The following LRRC4C variants were observed in gnomAD, a reference collection of about 807,000 sequenced individuals.
LRRC4C encodes the protein leucine-rich repeat-containing protein 4C.
A neutral mutation model predicts 33.6 loss-of-function variants in LRRC4C; 5 were observed. The ratio of observed to expected loss-of-function variants is 0.15; its 90% confidence interval spans 0.08 to 0.31. LRRC4C has a LOEUF of 0.31. Ranked by LOEUF, LRRC4C falls within the 10% of genes least tolerant of loss-of-function variation. The probability of loss-of-function intolerance (pLI) is 1.00; values close to 1 mark genes in which losing one functional copy is unlikely to be tolerated. For missense variants in LRRC4C, 560 were observed against 796.7 expected, an observed-to-expected ratio of 0.70 and a Z score of 3.58; for synonymous variants, 329 against 302.0, an observed-to-expected ratio of 1.09 and a Z score of -0.93.
At chr11:41,456,635 C>G in intron 1 of LRRC4C, among the ~76,000 whole-genome samples, 1 of 152,134 alleles carries the variant, frequency 6.6e-6, no homozygotes, top group East Asian at 1.9e-4. Context: ...AAAAATATAA[C>G]TCTGCATATG....
At chr11:41,151,225 A>G (rs867638882) in intron 1 of LRRC4C, among the ~76,000 whole-genome samples, 84 of 152,358 alleles carry the variant, frequency 5.5e-4, no homozygotes, top group Middle Eastern at 6.8e-3. Flanking sequence ...CAGTTGAGCT[A>G]GTTTCTCCTC....
At position 40,453,436 on chromosome 11, in the gene LRRC4C, C is replaced by T. The variant is rs1054278170; in HGVS notation, c.-269-133715G>A. ...ACTTCCCGTGAAGAAAAGCTCCAGG[C>T]AATACAGCTGGTGAATTCTATCAGA... On this transcript the variant is annotated intron_variant, in intron 3 of 6. Coordinates refer to ENST00000528697, the MANE Select transcript of LRRC4C (RefSeq NM_001258419.2). Among the ~76,000 whole-genome samples the T allele has an allele frequency of 4.6e-5, 7 of 152,084 alleles. No homozygotes were observed. The East Asian group carries it at 1.4e-3, about 29-fold the overall frequency.
At chr11:41,050,866 T>C (rs1215609255) in intron 1 of LRRC4C, among the ~76,000 whole-genome samples, 1 of 152,260 alleles carries the variant, frequency 6.6e-6, no homozygotes, top group Non-Finnish European at 1.5e-5. Flanking sequence ...GTTCTTATAA[T>C]GGATTCTAGA....
chr11:40,616,457 A>G (rs529978801), intron 3 of LRRC4C, among the ~76,000 whole-genome samples: 81 of 151,872 alleles, frequency 5.3e-4, no homozygotes, highest in African/African-American at 1.9e-3. Flanking sequence ...AGACACATGC[A>G]TGCATATGTT....
chr11:41,405,024 A>G lies in LRRC4C; in HGVS notation c.-496+54407T>C, dbSNP rs200156687. The stretch of plus-strand genomic sequence containing the variant: ...TCTTCAGTGTCTTAATATCTCTATC[A>G]ATAATGTGGGTCCAGCACTATTTGC... On this transcript the variant is annotated intron_variant, in intron 1 of 6. Coordinates refer to ENST00000528697, the MANE Select transcript of LRRC4C (RefSeq NM_001258419.2). Among the ~76,000 whole-genome samples the G allele has an allele frequency of 3.3e-5, 5 of 152,262 alleles. No individual in the cohort carries two copies. The East Asian group carries it at 9.7e-4, about 30-fold the overall frequency.
At chr11:40,808,509 T>C (rs1034576202) in intron 2 of LRRC4C, among the ~76,000 whole-genome samples, 2 of 152,114 alleles carry the variant, frequency 1.3e-5, no homozygotes, top group Non-Finnish European at 2.9e-5. Context: ...TTACTATTTA[T>C]ATTTTATTTT....
intron 2 of LRRC4C, among the ~76,000 whole-genome samples, chr11:40,690,610 T>G (rs1347929430): frequency 6.6e-6 from 1 of 152,088 alleles, no homozygotes; most frequent in Non-Finnish European, 1.5e-5. Context: ...AAAACTCACT[T>G]TCTAAACCAT....
intron 3 of LRRC4C, among the ~76,000 whole-genome samples, chr11:40,390,112 T>C (rs943131184): frequency 1.4e-4 from 21 of 152,230 alleles, no homozygotes; most frequent in African/African-American, 4.3e-4. Flanking sequence ...TCTGATCTTA[T>C]AGCTGACATG....
At chr11:40,490,088 G>A (rs1023184885) in intron 3 of LRRC4C, among the ~76,000 whole-genome samples, 2 of 152,146 alleles carry the variant, frequency 1.3e-5, no homozygotes, top group Non-Finnish European at 2.9e-5. Context: ...AACAATGCCT[G>A]CCATATAGTG....
chr11:41,388,662 C>T (rs1158806753), intron 1 of LRRC4C, among the ~76,000 whole-genome samples: 1 of 151,782 alleles, frequency 6.6e-6, no homozygotes, highest in Non-Finnish European at 1.5e-5. Context: ...AATTACAAAT[C>T]ATTTCAGCTG....
intron 2 of LRRC4C, among the ~76,000 whole-genome samples, chr11:40,731,144 C>G (rs1432356647): frequency 1.3e-5 from 2 of 152,030 alleles, no homozygotes; most frequent in Non-Finnish European, 2.9e-5. Context: ...ATGGTGAAAC[C>G]CCGTCTCTAC....
intron 5 of LRRC4C, among the ~76,000 whole-genome samples, chr11:40,154,311 C>CAAAACAAAACAAAAAAAA (rs1858495192): frequency 2.9e-5 from 4 of 137,666 alleles, no homozygotes; most frequent in African/African-American, 1.1e-4. Context: ...AAACAAAAAG[C>CAAAACAAAACAAAAAAAA]AAAGTACACA....
intron 3 of LRRC4C, among the ~76,000 whole-genome samples, chr11:40,440,770 C>G (rs11035843): frequency 0.36 from 55,214 of 151,818 alleles, 10,670 homozygotes; most frequent in East Asian, 0.52. Flanking sequence ...ATTAACAGAT[C>G]CTGTACAACG....
intron 4 of LRRC4C, chr11:40,293,524 C>T (rs1281337291): frequency 2.6e-5 from 4 of 151,444 alleles, no homozygotes; most frequent in Non-Finnish European, 5.9e-5. Context: ...GAAGTTGAGA[C>T]TGGGGCTTTT....
chr11:41,235,773 T>G (rs1364808755), intron 1 of LRRC4C, among the ~76,000 whole-genome samples: 1 of 152,144 alleles, frequency 6.6e-6, no homozygotes, highest in African/African-American at 2.4e-5. Context: ...ATCTCTGTCT[T>G]ATATGGGATT....
At chr11:40,581,723 G>A (rs1374822808) in intron 3 of LRRC4C, among the ~76,000 whole-genome samples, 1 of 152,180 alleles carries the variant, frequency 6.6e-6, no homozygotes, top group African/African-American at 2.4e-5. Context: ...CCAGCATGGT[G>A]AAACCCTGAC....
chr11:41,053,349 G>C (rs941489272), intron 1 of LRRC4C, among the ~76,000 whole-genome samples: 1 of 152,142 alleles, frequency 6.6e-6, no homozygotes, highest in African/African-American at 2.4e-5. Flanking sequence ...ACCGGCTGCT[G>C]GCTAACAGCA....
chr11:40,809,689 C>T (rs958579473), intron 2 of LRRC4C, among the ~76,000 whole-genome samples: 3 of 152,276 alleles, frequency 2.0e-5, no homozygotes, highest in East Asian at 1.9e-4. Flanking sequence ...ACATGTTGCA[C>T]GTGCTCACTC....
intron 1 of LRRC4C, among the ~76,000 whole-genome samples, chr11:41,273,670 C>T (rs1035343008): frequency 6.6e-6 from 1 of 152,120 alleles, no homozygotes; most frequent in Non-Finnish European, 1.5e-5. Context: ...ATCTGCTGTA[C>T]ATAGTGCCTA....
Sources: allele counts gnomAD v4.1 joint callset (sites outside exome capture counted in the v4.1 genomes callset), GRCh38; gene constraint gnomAD v4.1.1; transcripts MANE v1.5; gene names NCBI Gene and HGNC (gene_info 2026-07-23, HGNC 2026-07-21).